The following SLC14A1 variants were observed in gnomAD, a reference collection of about 807,000 sequenced individuals.
The protein encoded by SLC14A1 is solute carrier family 14 member 1 (Kidd blood group).
A neutral mutation model predicts 39.6 loss-of-function variants in SLC14A1; 36 were observed. The observed-to-expected ratio is 0.91, with a 90% CI of 0.70 to 1.20. The LOEUF (loss-of-function observed/expected upper bound fraction) is 1.20, where lower values mean the gene tolerates loss of function less well. Ranked by LOEUF, SLC14A1 falls within the 50% of genes most tolerant of loss-of-function variation. The pLI is 0.00. For missense variants in SLC14A1, 469 were observed against 478.7 expected (o/e 0.98, Z 0.19); for synonymous variants, 164 against 173.6 (o/e 0.94, Z 0.43).
chr18:45,745,725 A>C (rs1599320519), intron 8 of SLC14A1, among the ~76,000 whole-genome samples: 1 of 152,194 alleles, frequency 6.6e-6, no homozygotes. Context: ...CTTCATCTCC[A>C]AAAGAGCCAT....
intron 2 of SLC14A1, chr18:45,727,248 G>C: frequency 6.4e-7 from 1 of 1,551,236 alleles, no homozygotes. Flanking sequence ...TTTGCCCTTT[G>C]TCATGTATTG....
In SLC14A1 at chr18:45,739,284, T is replaced by C. The variant is rs780505473; in HGVS notation, c.785T>C (p.Ile262Thr). Reference protein sequence around the residue: ...SSPLMCLHAAIGSLLGIAAGL... With the variant: ...SSPLMCLHAATGSLLGIAAGL... ...CCACTCATGTGCCTGCATGCTGCCATAGGATCATTGCTGGGCATAGCAGCG... is the reference window on the plus strand; with the variant it reads ...CCACTCATGTGCCTGCATGCTGCCACAGGATCATTGCTGGGCATAGCAGCG... The change falls in exon 7 of 10, where the codon ATA becomes ACA. Residue 262 changes from isoleucine to threonine, a missense_variant. Coordinates refer to ENST00000321925, the MANE Select transcript of SLC14A1 (RefSeq NM_015865.7). The C allele has an allele frequency of 1.9e-6, 3 of 1,614,158 alleles. No homozygotes were observed. The highest frequency in any genetic ancestry group is 1.3e-5 in the African/African-American group (1 of 75,030).
intron 2 of SLC14A1, chr18:45,728,990 CTTT>C (rs2046945927): frequency 6.6e-6 from 1 of 151,978 alleles, no homozygotes; most frequent in Non-Finnish European, 1.5e-5. Flanking sequence ...TAGAGTTCAA[CTTT>C]TTTTAATAGG....
intron 5 of SLC14A1, among the ~76,000 whole-genome samples, chr18:45,736,138 A>G (rs1482926181): frequency 3.9e-5 from 6 of 152,226 alleles, no homozygotes; most frequent in Non-Finnish European, 7.3e-5. Flanking sequence ...GACTTTAACT[A>G]TGTAGATAAT....
rs1333143275 is a variant in SLC14A1 at position 45,739,267 on chromosome 18, G to T, written c.768G>T (p.Met256Ile). Residue 256 changes from methionine (M) to isoleucine (I), a missense_variant, in exon 7 of 10, where the codon ATG becomes ATT. Transcript: ENST00000321925. ...CCATCCTACTCTCCTCCCCACTCAT[G>T]TGCCTGCATGCTGCCATAGGATCAT... ...LGAILLSSPL[M>I]CLHAAIGSLL... is the part of the protein sequence containing the mutation. 9.3e-6 allele frequency: 15 copies of T among 1,614,044 alleles called. No individual in the cohort carries two copies. Among genetic ancestry groups the T allele is most frequent in the Non-Finnish European group, 1.2e-5 (14 of 1,180,038 alleles).
Position 45,750,203 on chromosome 18 carries a change from C to G in SLC14A1, c.*252C>G. The G allele has an allele frequency of 7.1e-7, 1 of 1,401,950 alleles. No homozygotes were observed. The highest frequency in any genetic ancestry group is 9.3e-7 in the Non-Finnish European group (1 of 1,080,272). 86.8% of individuals were successfully genotyped at this position (1,401,950 alleles called of 1,614,324 possible). A position where few individuals can be genotyped will look rare whatever the true frequency, so the allele number is the denominator to read the frequency against. ...CCCCAATGGGGCCTTGGCACTAAGA[C>G]TGGAATGTATATAAAGTCAAAGTGC... is the stretch of plus-strand genomic sequence containing the variant. On this transcript the variant is annotated 3_prime_UTR_variant, in exon 10 of 10. Coordinates refer to ENST00000321925, the MANE Select transcript of SLC14A1 (RefSeq NM_015865.7).
At chr18:45,749,511 G>C (rs548315335) in intron 9 of SLC14A1, among the ~76,000 whole-genome samples, 1 of 152,060 alleles carries the variant, frequency 6.6e-6, no homozygotes, top group African/African-American at 2.4e-5. Context: ...TGGCACATCT[G>C]GTGCAGGAAG....
chr18:45,740,388 T>TC (rs1382524982), intron 8 of SLC14A1, among the ~76,000 whole-genome samples: 1 of 152,050 alleles, frequency 6.6e-6, no homozygotes, highest in Non-Finnish European at 1.5e-5. Context: ...CTGGGCCCCC[T>TC]CCTCAGTCTG....
chr18:45,739,402 T>G, intron 7 of SLC14A1, 92 bp downstream of exon 7: 1 of 1,608,902 alleles, frequency 6.2e-7, no homozygotes, highest in East Asian at 2.2e-5. Flanking sequence ...TTCCTTGAGA[T>G]CTTGGCTTCC....
Position 45,727,462 on chromosome 18 carries a change from C to G in SLC14A1, c.-22+2449C>G, listed in dbSNP as rs180798571. 2.8e-5 allele frequency: 43 copies of G among 1,516,504 alleles called. No individual in the cohort carries two copies. The East Asian group carries it at 1.0e-3, about 37-fold the overall frequency. The allele number at this position is 1,516,504 out of a possible 1,614,324, so 93.9% of individuals were successfully genotyped here. ...GCCTCTGGCTCGGGGAACCTGGGAG[C>G]CTGCTCCAAACTCTGGTGTATCTTT... is the stretch of plus-strand genomic sequence containing the variant. On this transcript the variant is annotated intron_variant, in intron 2 of 9. Transcript: ENST00000321925.
chr18:45,745,239 CT>C (rs764165300), intron 8 of SLC14A1, among the ~76,000 whole-genome samples: 7 of 152,146 alleles, frequency 4.6e-5, no homozygotes, highest in Non-Finnish European at 7.3e-5. Flanking sequence ...GAGACTCTGT[CT>C]CAAAGAAAAA....
intron 9 of SLC14A1, among the ~76,000 whole-genome samples, chr18:45,749,232 C>T (rs1443488698): frequency 6.6e-6 from 1 of 152,006 alleles, no homozygotes; most frequent in East Asian, 1.9e-4. Context: ...GTCCATGCAT[C>T]AGGTCAGAGC....
At position 45,752,332 on chromosome 18, in the gene SLC14A1, T is replaced by C; in HGVS notation, c.*2381T>C. ...CAGGGATCTACCATGCAGGAGCTTC[T>C]TGTGCTCACACAAATCTGTAAATGG... is the stretch of plus-strand genomic sequence containing the variant. On this transcript the variant is annotated 3_prime_UTR_variant, in exon 10 of 10. Coordinates refer to ENST00000321925, the MANE Select transcript of SLC14A1 (RefSeq NM_015865.7). The C allele has an allele frequency of 1.6e-6, 1 of 606,330 alleles. No homozygotes were observed. The highest frequency in any genetic ancestry group is 2.1e-6 in the Non-Finnish European group (1 of 483,810). 37.6% of individuals were successfully genotyped at this position (606,330 alleles called of 1,614,324 possible). A position where few individuals can be genotyped will look rare whatever the true frequency, so the allele number is the denominator to read the frequency against.
In SLC14A1 at chr18:45,749,667, C is replaced by T. The variant is rs1599333862; in HGVS notation, c.997-111C>T. 5.8e-6 allele frequency: 7 copies of T among 1,202,154 alleles called. No homozygotes were observed. In the East Asian group the frequency reaches 1.6e-4, roughly 28 times the overall value. 74.5% of individuals were successfully genotyped at this position (1,202,154 alleles called of 1,614,324 possible). A position where few individuals can be genotyped will look rare whatever the true frequency, so the allele number is the denominator to read the frequency against. ...AGCATGCACAGAATCCAGAGCAATGCCCCCAGTGGTTCATCCCCCTGGGCT... is the reference window on the plus strand; with the variant it reads ...AGCATGCACAGAATCCAGAGCAATGTCCCCAGTGGTTCATCCCCCTGGGCT... On this transcript the variant is annotated intron_variant, in intron 9 of 9. Transcript: ENST00000321925.
chr18:45,748,504 C>T, intron 9 of SLC14A1, 79 bp downstream of exon 9: 1 of 1,432,236 alleles, frequency 7.0e-7, no homozygotes, highest in Non-Finnish European at 9.9e-7. Flanking sequence ...CTGAAGTCCA[C>T]TGGGCTGGCA....
chr18:45,739,948 C>T, intron 8 of SLC14A1: 1 of 463,088 alleles, frequency 2.2e-6, no homozygotes, highest in Non-Finnish European at 4.0e-6. Flanking sequence ...CCCAGTTATT[C>T]TTCAGCTTTA....
At chr18:45,743,418 T>A (rs1008977553) in intron 8 of SLC14A1, among the ~76,000 whole-genome samples, 1 of 151,350 alleles carries the variant, frequency 6.6e-6, no homozygotes, top group East Asian at 1.9e-4. Context: ...TTTTTTTTTT[T>A]AACTGGTGTA....
At chr18:45,728,036 C>A (rs1235118048) in intron 2 of SLC14A1, among the ~76,000 whole-genome samples, 4 of 152,100 alleles carry the variant, frequency 2.6e-5, no homozygotes, top group Non-Finnish European at 5.9e-5. Context: ...TGAGAAGACC[C>A]CTCTCTGCAG....
At chr18:45,742,563 T>C (rs1639171077) in intron 8 of SLC14A1, among the ~76,000 whole-genome samples, 1 of 152,010 alleles carries the variant, frequency 6.6e-6, no homozygotes, top group African/African-American at 2.4e-5. Context: ...TTTCACCATG[T>C]TGGCCAGGAT....
Sources: gnomAD v4.1 joint callset for allele counts (sites outside exome capture counted in the v4.1 genomes callset) on GRCh38, gnomAD v4.1.1 for gene constraint, MANE v1.5 for transcripts, NCBI Gene and HGNC (gene_info 2026-07-23, HGNC 2026-07-21) for gene names.